MAGI2: variants seen among roughly 807,000 people sequenced by gnomAD.
The protein encoded by MAGI2 is membrane associated guanylate kinase, WW and PDZ domain containing 2, also known as membrane-associated guanylate kinase, WW and PDZ domain-containing protein 2.
In MAGI2, 35 loss-of-function variants were observed where a neutral mutation model predicts 133.3. The ratio of observed to expected loss-of-function variants is 0.26; its 90% CI spans 0.20 to 0.35. The LOEUF (loss-of-function observed/expected upper bound fraction) is 0.35, where lower values mean the gene tolerates loss of function less well. Ranked by LOEUF, MAGI2 falls within the 10% of genes least tolerant of loss-of-function variation. The pLI is 1.00. For synonymous variants in MAGI2, 729 were observed against 710.6 expected, an observed-to-expected ratio of 1.03 and a Z score of -0.41; for missense variants, 1,636 against 1,863.4, an observed-to-expected ratio of 0.88 and a Z score of 2.25.
intron 1 of MAGI2, among the ~76,000 whole-genome samples, chr7:79,043,542 CAAAAA>C (rs58828466): frequency 7.4e-5 from 3 of 40,430 alleles, no homozygotes; most frequent in Non-Finnish European, 9.2e-5. Flanking sequence ...GACTCCATCA[CAAAAA>C]AAAAAAAAAA....
intron 16 of MAGI2, among the ~76,000 whole-genome samples, chr7:78,146,981 T>A (rs752480665): frequency 2.0e-5 from 3 of 152,216 alleles, no homozygotes; most frequent in Non-Finnish European, 2.9e-5. Flanking sequence ...TAATAACTTC[T>A]TGCAATATTT....
intron 1 of MAGI2, among the ~76,000 whole-genome samples, chr7:79,201,125 T>A (rs189656862): frequency 6.6e-6 from 1 of 152,080 alleles, no homozygotes; most frequent in East Asian, 1.9e-4. Context: ...ACAGGTATAA[T>A]TGCCATGTTT....
At chr7:78,480,983 A>G (rs1481242489) in intron 6 of MAGI2, among the ~76,000 whole-genome samples, 1 of 151,972 alleles carries the variant, frequency 6.6e-6, no homozygotes, top group Non-Finnish European at 1.5e-5. Context: ...GTAAAGATAT[A>G]TATTATTGTC....
intron 10 of MAGI2, among the ~76,000 whole-genome samples, chr7:78,225,718 C>T (rs1789305523): frequency 6.6e-6 from 1 of 152,132 alleles, no homozygotes; most frequent in African/African-American, 2.4e-5. Context: ...CAAGGACTGA[C>T]CAGAGAGAGG....
chr7:79,101,831 A>T (rs989330103), intron 1 of MAGI2, among the ~76,000 whole-genome samples: 2 of 151,790 alleles, frequency 1.3e-5, no homozygotes, highest in Admixed American at 1.3e-4. Flanking sequence ...CTTAATAGCT[A>T]TTTAAAATTC....
intron 1 of MAGI2, among the ~76,000 whole-genome samples, chr7:79,300,167 TG>T (rs1837285611): frequency 6.6e-6 from 1 of 152,196 alleles, no homozygotes; most frequent in South Asian, 2.1e-4. Flanking sequence ...GATGTGACTT[TG>T]GAACTGCGTA....
At chr7:78,150,257 C>T (rs1823739979) in intron 16 of MAGI2, among the ~76,000 whole-genome samples, 2 of 152,146 alleles carry the variant, frequency 1.3e-5, no homozygotes, top group African/African-American at 2.4e-5. Context: ...TTCAACATGA[C>T]TGGACAAGGG....
intron 2 of MAGI2, among the ~76,000 whole-genome samples, chr7:78,795,677 A>C (rs37867): frequency 0.32 from 49,056 of 152,030 alleles, 8,575 homozygotes; most frequent in East Asian, 0.52. Flanking sequence ...GAATCACAAA[A>C]GGCTCCAAAT....
intron 10 of MAGI2, among the ~76,000 whole-genome samples, chr7:78,222,693 AAC>A (rs1306684055): frequency 6.6e-6 from 1 of 152,208 alleles, no homozygotes; most frequent in African/African-American, 2.4e-5. Context: ...TAAGAAAACT[AAC>A]AGTCACTTTA....
chr7:78,941,376 G>A (rs988488326), intron 2 of MAGI2, among the ~76,000 whole-genome samples: 5 of 152,146 alleles, frequency 3.3e-5, no homozygotes, highest in South Asian at 4.1e-4. Context: ...TTGAGACAGA[G>A]TCTCAGTTTG....
chr7:78,713,456 G>A (rs868300329), intron 2 of MAGI2, among the ~76,000 whole-genome samples: 17 of 152,216 alleles, frequency 1.1e-4, no homozygotes, highest in Admixed American at 8.5e-4. Context: ...ACATACAAGT[G>A]GAGATGGCAC....
rs540724556 is a variant in MAGI2 at position 78,627,310 on chromosome 7, A to G, written c.419-71T>C. On this transcript the variant is annotated intron_variant, in intron 2 of 21. Transcript: ENST00000354212. ...GTTGTTGAACTTTAGAAATACCACCATACTTCTGAATATTCAGTGCCACTT... is the reference window on the plus strand; with the variant it reads ...GTTGTTGAACTTTAGAAATACCACCGTACTTCTGAATATTCAGTGCCACTT... 2.3e-5 allele frequency: 30 copies of G among 1,317,232 alleles called. No individual in the cohort carries two copies. In the East Asian group the frequency reaches 5.3e-4, roughly 23 times the overall value. The allele number at this position is 1,317,232 out of a possible 1,614,324, so 81.6% of individuals were successfully genotyped here.
chr7:78,667,372 T>A lies in MAGI2; in HGVS notation c.419-40133A>T, dbSNP rs1042886718. On this transcript the variant is annotated intron_variant, in intron 2 of 21. Coordinates refer to ENST00000354212, the MANE Select transcript of MAGI2 (RefSeq NM_012301.4). The stretch of plus-strand genomic sequence containing the variant: ...TGGGTTTTTTTTTTTGAGATTCTTT[T>A]TTTTTTAATTTTTTAAAAAATTTTA... Among the ~76,000 whole-genome samples, 95 of 151,718 alleles carry A rather than the reference T, an allele frequency of 6.3e-4. 2 individuals are homozygous for A. Among genetic ancestry groups the A allele is most frequent in the Admixed American group, 1.2e-3 (18 of 15,230 alleles).
At chr7:78,614,718 T>A (rs1271895504) in intron 3 of MAGI2, 1 of 152,174 alleles carries the variant, frequency 6.6e-6, no homozygotes, top group Non-Finnish European at 1.5e-5. Flanking sequence ...TGAATATATA[T>A]AATAAATTGT....
At chr7:78,077,941 CTGGTCT>C (rs1815534946) in intron 21 of MAGI2, 1 of 151,884 alleles carries the variant, frequency 6.6e-6, no homozygotes, top group Admixed American at 6.6e-5. Context: ...GTTGGTCAGG[CTGGTCT>C]TGAACTCCTG....
intron 10 of MAGI2, among the ~76,000 whole-genome samples, chr7:78,213,938 T>C (rs569457751): frequency 6.6e-6 from 1 of 152,296 alleles, no homozygotes; most frequent in South Asian, 2.1e-4. Flanking sequence ...AGGTTTGGTC[T>C]CCTATTTGAA....
Position 78,019,855 on chromosome 7 carries a change from A to G in MAGI2, c.3828T>C (p.Pro1276=). The change falls in exon 22 of 22, where the codon CCT becomes CCC. Residue 1276 remains proline (P), a synonymous_variant. Coordinates refer to ENST00000354212, the MANE Select transcript of MAGI2 (RefSeq NM_012301.4). ...SPSHPAPPSD[P]SHQISPGPTW... is the part of the protein sequence containing the mutation. ...TTGGGCCTGGGCTTATCTGGTGGGAAGGGTCGGAGGGTGGGGCTGGATGTG... is the reference window on the plus strand; with the variant it reads ...TTGGGCCTGGGCTTATCTGGTGGGAGGGGTCGGAGGGTGGGGCTGGATGTG... The G allele has an allele frequency of 6.2e-7, 1 of 1,613,412 alleles. No homozygotes were observed.
intron 6 of MAGI2, among the ~76,000 whole-genome samples, chr7:78,449,324 G>T (rs181882770): frequency 6.6e-6 from 1 of 152,142 alleles, no homozygotes; most frequent in East Asian, 1.9e-4. Context: ...TGTCACAACT[G>T]CATGCCATCT....
chr7:78,420,271 A>C (rs1457790126), intron 6 of MAGI2, among the ~76,000 whole-genome samples: 1 of 152,168 alleles, frequency 6.6e-6, no homozygotes, highest in Non-Finnish European at 1.5e-5. Flanking sequence ...GTCCACACCA[A>C]CTGTTCTTGG....
Sources: allele counts gnomAD v4.1 joint callset (sites outside exome capture counted in the v4.1 genomes callset), GRCh38; gene constraint gnomAD v4.1.1; transcripts MANE v1.5; gene names NCBI Gene and HGNC (gene_info 2026-07-23, HGNC 2026-07-21).